The following TANGO6 variants were observed in gnomAD, a reference collection of about 807,000 sequenced individuals.
TANGO6 encodes transport and Golgi organization protein 6 homolog.
A neutral mutation model predicts 114.2 loss-of-function variants in TANGO6; 90 were observed. That is an observed-to-expected ratio of 0.79 (90% CI 0.66 to 0.94). TANGO6 has a LOEUF of 0.94. Among genes scored for constraint, TANGO6 ranks in the 40% least tolerant of loss-of-function variants. TANGO6 has a pLI of 0.00. For missense variants in TANGO6, 1,274 were observed against 1,315.3 expected (o/e 0.97, Z 0.49); for synonymous variants, 477 against 509.8 (o/e 0.94, Z 0.87).
chr16:68,964,939 G>T (rs1963630187), intron 14 of TANGO6, among the ~76,000 whole-genome samples: 1 of 151,984 alleles, frequency 6.6e-6, no homozygotes, highest in African/African-American at 2.4e-5. Flanking sequence ...ATTTTCTGTT[G>T]ATGCAAATTT....
intron 1 of TANGO6, among the ~76,000 whole-genome samples, chr16:68,857,642 A>C (rs1962019501): frequency 6.6e-6 from 1 of 152,158 alleles, no homozygotes; most frequent in Non-Finnish European, 1.5e-5. Context: ...ACCAGCAATG[A>C]ATGAGAGTTC....
chr16:69,010,580 G>A (rs1160146691), intron 15 of TANGO6, among the ~76,000 whole-genome samples: 2 of 151,992 alleles, frequency 1.3e-5, no homozygotes. Flanking sequence ...TCACAGCTCC[G>A]TCTACCTGAA....
At chr16:68,887,437 T>A (rs370403612) in intron 7 of TANGO6, among the ~76,000 whole-genome samples, 2 of 152,148 alleles carry the variant, frequency 1.3e-5, no homozygotes, top group East Asian at 3.9e-4. Flanking sequence ...TAAGGCACAA[T>A]GACAAGAGAA....
chr16:69,008,008 T>A (rs1023623944), intron 15 of TANGO6, among the ~76,000 whole-genome samples: 4 of 152,294 alleles, frequency 2.6e-5, no homozygotes, highest in African/African-American at 9.6e-5. Context: ...TTTTGTGTTG[T>A]AAGAGTTCTT....
chr16:68,902,364 G>A lies in TANGO6; in HGVS notation c.1527G>A (p.Gly509=). 6.2e-7 allele frequency: 1 copy of A among 1,612,284 alleles called. No individual in the cohort carries two copies. Among genetic ancestry groups the A allele is most frequent in the South Asian group, 1.1e-5 (1 of 90,742 alleles). The change falls in exon 9 of 18, where the codon GGG becomes GGA. Residue 509 remains glycine, a synonymous_variant. Transcript: ENST00000261778. Reference sequence around the variant, plus strand: ...AAGAAATCTTATTATGGATTCTGGGGAAGCTGGAAAGGAAGAAGGCAATTG... The same window carrying A: ...AAGAAATCTTATTATGGATTCTGGGAAAGCTGGAAAGGAAGAAGGCAATTG... ...LCQEILLWIL[G]KLERKKAIAS... is the part of the protein sequence containing the mutation.
intron 12 of TANGO6, among the ~76,000 whole-genome samples, chr16:68,925,911 A>G (rs1049010007): frequency 2.6e-5 from 4 of 151,246 alleles, no homozygotes; most frequent in Non-Finnish European, 5.9e-5. Flanking sequence ...AAAAAAAAGA[A>G]AAAAGAAACT....
intron 4 of TANGO6, among the ~76,000 whole-genome samples, chr16:68,874,078 G>T (rs923784117): frequency 1.3e-5 from 2 of 152,128 alleles, no homozygotes; most frequent in African/African-American, 2.4e-5. Flanking sequence ...CTCCTTTCTG[G>T]TGGTTATTGC....
Position 68,974,148 on chromosome 16 carries a change from T to G in TANGO6, c.2822T>G (p.Met941Arg). The G allele has an allele frequency of 6.2e-7, 1 of 1,613,982 alleles. No homozygotes were observed. Among genetic ancestry groups the G allele is most frequent in the Non-Finnish European group, 8.5e-7 (1 of 1,179,880 alleles). Reference sequence around the variant, plus strand: ...AGAATGAAAGTCGGGGAAGTCCTTATGCGAATCGTCAGGGCATTAGGTGAG... The same window carrying G: ...AGAATGAAAGTCGGGGAAGTCCTTAGGCGAATCGTCAGGGCATTAGGTGAG... ...ETRMKVGEVL[M>R]RIVRALGDMV... The change falls in exon 15 of 18, where the codon ATG (methionine) becomes AGG (arginine). Residue 941 changes from methionine to arginine, a missense_variant. Transcript: ENST00000261778.
At position 68,974,083 on chromosome 16, in the gene TANGO6, T is replaced by A. The variant is rs1266155847; in HGVS notation, c.2757T>A (p.Ala919=). Residue 919 remains alanine (A), a synonymous_variant, in exon 15 of 18, where the codon GCT becomes GCA. Transcript: ENST00000261778. The stretch of plus-strand genomic sequence containing the variant: ...AGAAAATCTTGCCGGACTTGTTGGC[T>A]CAATATGACAGCAGCAAAGACAAGC... ...YPEKILPDLL[A]QYDSSKDKHT... The A allele has an allele frequency of 3.7e-6, 6 of 1,613,554 alleles. No homozygotes were observed. The highest frequency in any genetic ancestry group is 4.2e-6 in the Non-Finnish European group (5 of 1,179,794).
intron 8 of TANGO6, among the ~76,000 whole-genome samples, chr16:68,901,728 T>C (rs569576443): frequency 6.6e-6 from 1 of 152,238 alleles, no homozygotes; most frequent in East Asian, 1.9e-4. Context: ...CCTCAGGTGA[T>C]CCACCCACCT....
chr16:68,863,162 G>A, intron 3 of TANGO6, 101 bp downstream of exon 3: 1 of 648,790 alleles, frequency 1.5e-6, no homozygotes. Context: ...CCTGTTTAAT[G>A]ATCTAGTTGA....
rs550328396 is a variant in TANGO6 at position 68,966,360 on chromosome 16, C to T, written c.2702-7668C>T. Among the ~76,000 whole-genome samples the T allele has an allele frequency of 3.3e-5, 5 of 151,928 alleles. No individual in the cohort carries two copies. The South Asian group carries it at 6.2e-4, about 19-fold the overall frequency. On this transcript the variant is annotated intron_variant, in intron 14 of 17. Transcript: ENST00000261778. ...CTCTACTAAAATACAAAAAATTAGC[C>T]GAGTGTGGTGGTGCGTGCCTATAGT...
chr16:69,045,455 A>C (rs1003977348), intron 17 of TANGO6, among the ~76,000 whole-genome samples: 1 of 147,574 alleles, frequency 6.8e-6, no homozygotes, highest in Non-Finnish European at 1.5e-5. Flanking sequence ...AAAAAAAAAA[A>C]AAAAAAGGCT....
chr16:68,933,121 A>G (rs1963263772), intron 14 of TANGO6, among the ~76,000 whole-genome samples: 1 of 152,140 alleles, frequency 6.6e-6, no homozygotes, highest in South Asian at 2.1e-4. Context: ...TCTGTCAGTT[A>G]TTGATATTTA....
intron 7 of TANGO6, among the ~76,000 whole-genome samples, chr16:68,896,255 C>G (rs776446263): frequency 6.6e-6 from 1 of 152,172 alleles, no homozygotes; most frequent in Non-Finnish European, 1.5e-5. Flanking sequence ...GATCTTCCCT[C>G]CTGAGCCTCC....
At position 68,906,982 on chromosome 16, in the gene TANGO6, A is replaced by G. The variant is rs571922584; in HGVS notation, c.1668-461A>G. Among the ~76,000 whole-genome samples, 843 of 151,262 alleles carry G rather than the reference A, an allele frequency of 5.6e-3. 11 individuals carry two copies. Among genetic ancestry groups the G allele is most frequent in the Non-Finnish European group, 6.7e-3 (453 of 67,846 alleles). On this transcript the variant is annotated intron_variant, in intron 9 of 17. Transcript: ENST00000261778. Reference sequence around the variant, plus strand: ...CTAATTTTTGTATTTTTTAGTAGAGACGGGGTTTCACCATGTTGGCCAGGC... The same window carrying G: ...CTAATTTTTGTATTTTTTAGTAGAGGCGGGGTTTCACCATGTTGGCCAGGC...
chr16:68,919,479 C>T (rs901771775), intron 12 of TANGO6, among the ~76,000 whole-genome samples: 1 of 152,162 alleles, frequency 6.6e-6, no homozygotes, highest in Non-Finnish European at 1.5e-5. Context: ...AATTTGGGAA[C>T]ATCTAGCCTG....
At chr16:69,019,293 C>T (rs975994680) in intron 15 of TANGO6, among the ~76,000 whole-genome samples, 3 of 152,170 alleles carry the variant, frequency 2.0e-5, no homozygotes, top group African/African-American at 7.2e-5. Flanking sequence ...TCTGAGATGA[C>T]AATTCAAATC....
chr16:68,869,694 A>T (rs1195876586), intron 4 of TANGO6, among the ~76,000 whole-genome samples: 1 of 152,010 alleles, frequency 6.6e-6, no homozygotes, highest in Admixed American at 6.6e-5. Flanking sequence ...TTAGTTTCCT[A>T]TTGTTACTGC....
Sources: gnomAD v4.1 joint callset for allele counts (sites outside exome capture counted in the v4.1 genomes callset) on GRCh38, gnomAD v4.1.1 for gene constraint, MANE v1.5 for transcripts, NCBI Gene and HGNC (gene_info 2026-07-23, HGNC 2026-07-21) for gene names.